The following MST1 variants were observed in gnomAD, a reference collection of about 807,000 sequenced individuals.
MST1 encodes the protein hepatocyte growth factor-like protein.
In MST1, 76 loss-of-function variants were observed where a neutral mutation model predicts 100.1. That is an observed-to-expected ratio of 0.76 (90% CI 0.63 to 0.92). The LOEUF is 0.92. Among genes scored for constraint, MST1 ranks in the 40% least tolerant of loss-of-function variants. MST1 has a pLI of 0.00. For synonymous variants in MST1, 352 were observed against 385.4 expected, an observed-to-expected ratio of 0.91 and a Z score of 1.01; for missense variants, 850 against 990.0, an observed-to-expected ratio of 0.86 and a Z score of 1.90.
At chr3:49,686,007 C>A in intron 9 of MST1, 45 bp from the exon 10 acceptor site, 3 of 1,603,502 alleles carry the variant, frequency 1.9e-6, no homozygotes, top group Non-Finnish European at 2.6e-6. Context: ...CTCGCCCCGG[C>A]CCTCCGGTTC....
chr3:49,685,940 C>T lies in MST1; in HGVS notation c.1170G>A (p.Glu390=), dbSNP rs1392790358. The part of the protein sequence containing the change: ...RPQDCYHGAG[E]QYRGTVSKTR... ...TCTTGCTGACCGTGCCGCGGTACTG[C>T]TCCCCTGCGCCGTGGTAGCAGTCTG... The change falls in exon 10 of 18, where the codon GAG becomes GAA. Residue 390 remains glutamate (E), a synonymous_variant. Transcript: ENST00000449682. 6.2e-7 allele frequency: 1 copy of T among 1,609,834 alleles called. No homozygotes were observed. Among genetic ancestry groups the T allele is most frequent in the Admixed American group, 1.7e-5 (1 of 59,954 alleles).
At chr3:49,686,289 G>GCCCCCACCCCCCCCCCC in intron 8 of MST1, 24 bp downstream of exon 8, 1 of 1,235,664 alleles carries the variant, frequency 8.1e-7, no homozygotes, top group Non-Finnish European at 1.1e-6. Flanking sequence ...ACGTCCCAAC[G>GCCCCCACCCCCCCCCCC]CCCGCCCCCC....
At chr3:49,685,418 G>A (rs750894592) in intron 12 of MST1, 36 bp from the exon 13 acceptor site, 10 of 1,613,600 alleles carry the variant, frequency 6.2e-6, no homozygotes, top group Middle Eastern at 1.6e-4. Context: ...AACCCAGACT[G>A]TGTGGATGTC....
intron 6 of MST1, 52 bp downstream of exon 6, chr3:49,686,895 C>T: frequency 1.2e-6 from 2 of 1,611,786 alleles, no homozygotes; most frequent in Non-Finnish European, 1.7e-6. Flanking sequence ...CCCCTGGAGT[C>T]CTGGACCTTC....
Position 49,688,022 on chromosome 3 carries a change from T to C in MST1, c.95-125A>G, listed in dbSNP as rs1175943648. ...CAAGGCTTCTGGGATGGACCCTGTATGCACTTTCAAGGGCCAGTCTAGCCC... is the reference window on the plus strand; with the variant it reads ...CAAGGCTTCTGGGATGGACCCTGTACGCACTTTCAAGGGCCAGTCTAGCCC... On this transcript the variant is annotated intron_variant, in intron 1 of 17. Transcript: ENST00000449682. 3.6e-5 allele frequency: 50 copies of C among 1,383,094 alleles called. 1 individual carries two copies. The East Asian group carries it at 6.0e-4, about 17-fold the overall frequency. 85.7% of individuals were successfully genotyped at this position (1,383,094 alleles called of 1,614,324 possible).
At chr3:49,686,289 G>GCCCCCCACCCCCCCCCCCCCCCCCC in intron 8 of MST1, 24 bp downstream of exon 8, 1 of 1,235,666 alleles carries the variant, frequency 8.1e-7, no homozygotes. Context: ...ACGTCCCAAC[G>GCCCCCCACCCCCCCCCCCCCCCCCC]CCCGCCCCCC....
intron 13 of MST1, 69 bp from the exon 14 acceptor site, chr3:49,685,158 C>T: frequency 6.3e-7 from 1 of 1,595,626 alleles, no homozygotes; most frequent in Non-Finnish European, 8.5e-7. Flanking sequence ...CATCTTCTGG[C>T]TAGGACCTCT....
chr3:49,686,375 G>A lies in MST1; in HGVS notation c.954C>T (p.Cys318=), dbSNP rs1333862881. The A allele has an allele frequency of 1.9e-6, 3 of 1,608,510 alleles. No individual in the cohort carries two copies. Among genetic ancestry groups the A allele is most frequent in the Admixed American group, 1.7e-5 (1 of 59,026 alleles). The stretch of plus-strand genomic sequence containing the variant: ...GCGGGATTTGCGCGTCCCAACGCTG[G>A]CAAGGTACGCCCGCAGTGGTGGTAT... ...TANTTTAGVP[C]QRWDAQIPHQ... is the part of the protein sequence containing the mutation. The change falls in exon 8 of 18, where the codon TGC becomes TGT. Residue 318 remains cysteine, a synonymous_variant. Coordinates refer to ENST00000449682, the MANE Select transcript of MST1 (RefSeq NM_020998.4).
In MST1 at chr3:49,684,469, TGGGGAG is replaced by T; in HGVS notation, c.1877-22_1877-17del. 1 of 1,613,490 alleles carries T rather than the reference TGGGGAG, an allele frequency of 6.2e-7. No homozygotes were observed. Among genetic ancestry groups the T allele is most frequent in the Non-Finnish European group, 8.5e-7 (1 of 1,179,850 alleles). ...TTACCCGTACCTGCAGTGAGGGGAA[TGGGGAG>T]AGGGAGAGGGTCCTGCAGGAAGATC... On this transcript the variant is annotated splice_polypyrimidine_tract_variant and intron_variant, in intron 16 of 17. Transcript: ENST00000449682.
Position 49,685,945 on chromosome 3 carries a change from C to G in MST1, c.1165G>C (p.Gly389Arg). ...CTGACCGTGCCGCGGTACTGCTCCC[C>G]TGCGCCGTGGTAGCAGTCTGTGGCG... ...VRPQDCYHGA[G>R]EQYRGTVSKT... Residue 389 changes from glycine (G) to arginine (R), a missense_variant, in exon 10 of 18, where the codon GGG becomes CGG. Physicochemically the swap from Gly to Arg is moderately radical, Grantham distance 125 (BLOSUM62 -2). Around this residue, in one of 2 missense-constraint regions of MST1, gnomAD observed 816 missense variants for 924.6 expected, o/e 0.88. Transcript: ENST00000449682. The G allele has an allele frequency of 1.2e-6, 2 of 1,609,902 alleles. No individual in the cohort carries two copies. The highest frequency in any genetic ancestry group is 1.3e-5 in the African/African-American group (1 of 74,970).
Position 49,689,460 on chromosome 3 carries a change from C to A in MST1, c.-769G>T, listed in dbSNP as rs537569455. ...CCGGTGGGAAGCCATGGAGGGGGTC[C>A]CCTAGCGGAGGCTGGGCGCGGGCCA... On this transcript the variant is annotated 5_prime_UTR_variant, in exon 1 of 18. Transcript: ENST00000449682. The A allele has an allele frequency of 1.3e-5, 2 of 152,396 alleles. No individual in the cohort carries two copies. The highest frequency in any genetic ancestry group is 2.9e-5 in the Non-Finnish European group (2 of 68,178). 9.4% of individuals were successfully genotyped at this position (152,396 alleles called of 1,614,324 possible).
rs1187051772 is a variant in MST1 at position 49,684,402 on chromosome 3, T to C, written c.1928A>G (p.Asn643Ser). The change falls in exon 17 of 18, where the codon AAC (asparagine) becomes AGC (serine). Residue 643 changes from asparagine to serine, a missense_variant. By Grantham distance (46) the Asn-to-Ser change is conservative. Around this residue, in one of 2 missense-constraint regions of MST1, gnomAD observed 816 missense variants for 924.6 expected, o/e 0.88. Coordinates refer to ENST00000449682, the MANE Select transcript of MST1 (RefSeq NM_020998.4). ...TCGGTGCTTGATGTTACACTCCTGG[T>C]TGGAGATGACATTCAGCAAGGCCAC... ...LNVALLNVIS[N>S]QECNIKHRGR... 4 of 1,613,268 alleles carry C rather than the reference T, an allele frequency of 2.5e-6. No individual in the cohort carries two copies. The highest frequency in any genetic ancestry group is 2.2e-5 in the East Asian group (1 of 44,900).
chr3:49,686,572 C>T, intron 7 of MST1, 91 bp from the exon 8 acceptor site: 1 of 1,564,930 alleles, frequency 6.4e-7, no homozygotes, highest in Non-Finnish European at 8.7e-7. Flanking sequence ...GTGTACGGTA[C>T]TCCACGGGGT....
intron 12 of MST1, 44 bp from the exon 13 acceptor site, chr3:49,685,426 G>A: frequency 6.2e-7 from 1 of 1,612,958 alleles, no homozygotes; most frequent in East Asian, 2.2e-5. Context: ...CTGTGTGGAT[G>A]TCGTGGGCTA....
At position 49,684,348 on chromosome 3, in the gene MST1, G is replaced by C. The variant is rs144922761; in HGVS notation, c.1982C>G (p.Thr661Ser). 1.3e-5 allele frequency: 21 copies of C among 1,613,094 alleles called. No individual in the cohort carries two copies. In the African/African-American group the frequency reaches 1.9e-4, roughly 14 times the overall value. ...RGRVRESEMC[T>S]EGLLAPVGAC... ...CCCCACAGGGGCCAACAGTCCCTCA[G>C]TGCACATCTCACTCTCCCGCACACG... Residue 661 changes from threonine to serine, a missense_variant, in exon 17 of 18, where the codon ACT becomes AGT. Thr to Ser is a moderately conservative substitution (Grantham distance 58). Coordinates refer to ENST00000449682, the MANE Select transcript of MST1 (RefSeq NM_020998.4).
rs748051506 is a variant in MST1, at chr3:49,688,443, G to A, written c.94+155C>T. The A allele has an allele frequency of 1.4e-5, 9 of 647,802 alleles. 1 individual carries two copies. The highest frequency in any genetic ancestry group is 5.5e-5 in the African/African-American group (3 of 54,464). The allele number at this position is 647,802 out of a possible 1,614,324, so 40.1% of individuals were successfully genotyped here. ...AGGCCTAAGTGGGCAATGTCTATGTGTTCCTAGGGCTTCCCAGCTGTGCTC... is the reference window on the plus strand; with the variant it reads ...AGGCCTAAGTGGGCAATGTCTATGTATTCCTAGGGCTTCCCAGCTGTGCTC... On this transcript the variant is annotated intron_variant, in intron 1 of 17. Coordinates refer to ENST00000449682, the MANE Select transcript of MST1 (RefSeq NM_020998.4).
Position 49,687,876 on chromosome 3 carries a change from T to C in MST1, c.116A>G (p.Asp39Gly), listed in dbSNP as rs1413821549. The change falls in exon 2 of 18, where the codon GAC (aspartate) becomes GGC (glycine). Residue 39 changes from aspartate (D) to glycine (G), a missense_variant. By Grantham distance (94) the Asp-to-Gly change is moderately conservative. Coordinates refer to ENST00000449682, the MANE Select transcript of MST1 (RefSeq NM_020998.4). The part of the protein sequence containing the change: ...GVPGQRSPLN[D>G]FQVLRGTELQ... ...CTCTGTGCCCCGGAGCACTTGGAAG[T>C]CATTCAATGGCGAGCGCTGCCCTGC... 6.2e-7 allele frequency: 1 copy of C among 1,613,406 alleles called. No homozygotes were observed. Among genetic ancestry groups the C allele is most frequent in the Admixed American group, 1.7e-5 (1 of 59,994 alleles).
At chr3:49,687,127 A>C (rs966687276) in intron 5 of MST1, 22 bp downstream of exon 5, 2 of 1,612,882 alleles carry the variant, frequency 1.2e-6, no homozygotes, top group Non-Finnish European at 1.7e-6. Flanking sequence ...CCACTCTCCC[A>C]GCTTGACCCG....
Position 49,686,946 on chromosome 3 carries a change from C to T in MST1, c.728+1G>A. ...AGGACGCCGATACCGCCTACGCGTACTTGCCCGGCTCGAAGGGGTGCTGGT... is the reference window on the plus strand; with the variant it reads ...AGGACGCCGATACCGCCTACGCGTATTTGCCCGGCTCGAAGGGGTGCTGGT... On this transcript the variant is annotated splice_donor_variant, in intron 6 of 17. Coordinates refer to ENST00000449682, the MANE Select transcript of MST1 (RefSeq NM_020998.4). LOFTEE classifies it high-confidence loss of function. 1 of 1,611,500 alleles carries T rather than the reference C, an allele frequency of 6.2e-7. No homozygotes were observed. Among genetic ancestry groups the T allele is most frequent in the Non-Finnish European group, 8.5e-7 (1 of 1,179,708 alleles).
Sources: allele counts gnomAD v4.1 joint callset, GRCh38; gene constraint gnomAD v4.1.1; regional missense constraint gnomAD v4.1.1; transcripts MANE v1.5; gene names NCBI Gene and HGNC (gene_info 2026-07-23, HGNC 2026-07-21).